Variants in POU2F1 observed in about 807,000 individuals in gnomAD.
POU2F1 encodes the protein POU domain, class 2, transcription factor 1.
Under a neutral mutation model 84.9 loss-of-function variants are expected in POU2F1, and 16 were observed. That is an observed-to-expected ratio of 0.19 (90% CI 0.13 to 0.29). The LOEUF (loss-of-function observed/expected upper bound fraction) is 0.29. Ranked by LOEUF, POU2F1 falls within the 10% of genes least tolerant of loss-of-function variation. The pLI is 1.00. For synonymous variants in POU2F1, 368 were observed against 368.3 expected (o/e 1.00, Z 0.01); for missense variants, 738 against 942.6 (o/e 0.78, Z 2.84).
intron 10 of POU2F1, chr1:167,396,679 G>T: frequency 2.5e-6 from 1 of 406,500 alleles, no homozygotes. Flanking sequence ...TTTGAGCCAG[G>T]ATTAGGAACA....
intron 1 of POU2F1, among the ~76,000 whole-genome samples, chr1:167,306,221 T>C (rs115704492): frequency 0.013 from 1,967 of 152,268 alleles, 41 homozygotes; most frequent in African/African-American, 0.043. Context: ...TTTGTACTTC[T>C]TAAAAAATGT....
At chr1:167,413,190 C>T in intron 15 of POU2F1, 76 bp downstream of exon 15, 20 of 1,110,426 alleles carry the variant, frequency 1.8e-5, no homozygotes, top group Non-Finnish European at 2.1e-5. Context: ...TGTGTGTGTG[C>T]TTGAGACAGA....
chr1:167,383,879 T>G lies in POU2F1; in HGVS notation c.741T>G (p.Leu247=). The part of the protein sequence containing the change: ...GQQGLLQAQN[L]LTQLPQQSQA... ...CAGGTCTCCTGCAAGCGCAAAATCTTCTAACGCAACTACCTCAGCAAAGCC... is the reference window on the plus strand; with the variant it reads ...CAGGTCTCCTGCAAGCGCAAAATCTGCTAACGCAACTACCTCAGCAAAGCC... Residue 247 remains leucine, a synonymous_variant, in exon 8 of 16, where the codon CTT becomes CTG. Coordinates refer to ENST00000367866, the MANE Select transcript of POU2F1 (RefSeq NM_002697.4). 6.2e-7 allele frequency: 1 copy of G among 1,613,926 alleles called. No individual in the cohort carries two copies. The highest frequency in any genetic ancestry group is 8.5e-7 in the Non-Finnish European group (1 of 1,179,862).
At position 167,378,274 on chromosome 1, in the gene POU2F1, T is replaced by A. The variant is rs553289787; in HGVS notation, c.718+2119T>A. ...TTAAGAGATGGAGTTTCACTCTTGT[T>A]GCCCAGGCTGGAGTGCAATGGCACG... On this transcript the variant is annotated intron_variant, in intron 7 of 15. Coordinates refer to ENST00000367866, the MANE Select transcript of POU2F1 (RefSeq NM_002697.4). 3.9e-5 allele frequency among the ~76,000 whole-genome samples: 6 copies of A among 152,326 alleles called. No individual in the cohort carries two copies. In the East Asian group the frequency reaches 1.2e-3, roughly 29 times the overall value.
chr1:167,240,584 C>G (rs1231129124), intron 1 of POU2F1, among the ~76,000 whole-genome samples: 2 of 152,150 alleles, frequency 1.3e-5, no homozygotes, highest in Non-Finnish European at 2.9e-5. Flanking sequence ...TATACTTAGC[C>G]TAAGTTTGTG....
chr1:167,357,926 C>A (rs530801155), intron 2 of POU2F1, among the ~76,000 whole-genome samples: 2 of 150,672 alleles, frequency 1.3e-5, no homozygotes, highest in Non-Finnish European at 3.0e-5. Flanking sequence ...GCCTCAGCCT[C>A]CTGAATAGCT....
intron 1 of POU2F1, among the ~76,000 whole-genome samples, chr1:167,293,165 C>T (rs1479583896): frequency 2.0e-5 from 3 of 152,094 alleles, no homozygotes; most frequent in South Asian, 2.1e-4. Flanking sequence ...AGAGCAGTCA[C>T]GCAAGAGAAA....
intron 2 of POU2F1, among the ~76,000 whole-genome samples, chr1:167,345,781 T>C (rs1211082103): frequency 6.6e-6 from 1 of 152,190 alleles, no homozygotes; most frequent in Non-Finnish European, 1.5e-5. Flanking sequence ...TCTTCAAATA[T>C]ATTTCATTTA....
intron 1 of POU2F1, among the ~76,000 whole-genome samples, chr1:167,282,885 T>G (rs1653256011): frequency 6.6e-6 from 1 of 152,246 alleles, no homozygotes; most frequent in African/African-American, 2.4e-5. Context: ...TGATTATGTC[T>G]TCTTGGGCAA....
At chr1:167,400,655 G>C (rs1164787380) in intron 12 of POU2F1, among the ~76,000 whole-genome samples, 2 of 152,200 alleles carry the variant, frequency 1.3e-5, no homozygotes, top group Non-Finnish European at 2.9e-5. Flanking sequence ...GAGACATACA[G>C]TGGTCGTATG....
chr1:167,363,927 T>G (rs1659502385), intron 2 of POU2F1, among the ~76,000 whole-genome samples: 6 of 152,158 alleles, frequency 3.9e-5, no homozygotes. Context: ...TGCTGTAAGG[T>G]TCTAACTTTG....
chr1:167,313,987 AGG>A (rs1378997280), intron 1 of POU2F1, among the ~76,000 whole-genome samples: 12 of 152,168 alleles, frequency 7.9e-5, no homozygotes, highest in African/African-American at 2.9e-4. Flanking sequence ...TCACAAGGTC[AGG>A]AGTTCAAGAC....
chr1:167,343,031 T>A (rs1324144843), intron 2 of POU2F1, among the ~76,000 whole-genome samples: 1 of 152,100 alleles, frequency 6.6e-6, no homozygotes, highest in Non-Finnish European at 1.5e-5. Flanking sequence ...CTCCCTCTAG[T>A]GTTTGATTTA....
At chr1:167,404,162 G>T (rs1649395281) in intron 13 of POU2F1, among the ~76,000 whole-genome samples, 1 of 150,786 alleles carries the variant, frequency 6.6e-6, no homozygotes, top group East Asian at 1.9e-4. Flanking sequence ...TGTATTTCTT[G>T]CACTCTGGTA....
chr1:167,366,630 ACT>A (rs1659699694), intron 3 of POU2F1, among the ~76,000 whole-genome samples: 1 of 152,228 alleles, frequency 6.6e-6, no homozygotes. Flanking sequence ...CTAATGGAAC[ACT>A]TTTGCTCAGG....
chr1:167,412,117 A>G lies in POU2F1; in HGVS notation c.1714A>G (p.Thr572Ala). 3 of 1,613,844 alleles carry G rather than the reference A, an allele frequency of 1.9e-6. No individual in the cohort carries two copies. In the East Asian group the frequency reaches 6.7e-5, roughly 36 times the overall value. The change falls in exon 14 of 16, where the codon ACC becomes GCC. Residue 572 changes from threonine (T) to alanine (A), a missense_variant. This residue lies in a region of POU2F1 where 319 missense variants were observed against 386.0 expected (regional missense o/e 0.83). Coordinates refer to ENST00000367866, the MANE Select transcript of POU2F1 (RefSeq NM_002697.4). Reference protein sequence around the residue: ...SASETSTTQTTSTPLSSPLGT... With the variant: ...SASETSTTQTASTPLSSPLGT... ...CAGTGAGACCAGCACAACACAGACC[A>G]CCTCCACTCCTTTGTCCTCCCCTCT...
chr1:167,264,056 A>G (rs1651769395), intron 1 of POU2F1, among the ~76,000 whole-genome samples: 1 of 152,216 alleles, frequency 6.6e-6, no homozygotes, highest in African/African-American at 2.4e-5. Flanking sequence ...AGAGACAAAT[A>G]TTAACCACTA....
At chr1:167,237,965 A>C (rs1003084800) in intron 1 of POU2F1, among the ~76,000 whole-genome samples, 1 of 151,124 alleles carries the variant, frequency 6.6e-6, no homozygotes, top group African/African-American at 2.4e-5. Flanking sequence ...TATTCTTAGT[A>C]CAGATGGGGT....
intron 1 of POU2F1, among the ~76,000 whole-genome samples, chr1:167,223,135 C>T (rs1218546877): frequency 3.9e-5 from 6 of 152,040 alleles, no homozygotes; most frequent in South Asian, 2.1e-4. Context: ...AATTGTAGCA[C>T]TACTGAAAAC....
Sources: allele counts gnomAD v4.1 joint callset (sites outside exome capture counted in the v4.1 genomes callset), GRCh38; gene constraint gnomAD v4.1.1; regional missense constraint gnomAD v4.1.1; transcripts MANE v1.5; gene names NCBI Gene and HGNC (gene_info 2026-07-23, HGNC 2026-07-21).